The following PHACTR1 variants were observed in gnomAD, a reference collection of about 807,000 sequenced individuals.
The protein encoded by PHACTR1 is RPEL repeat containing 1.
PHACTR1 carries 16 observed loss-of-function variants against 69.2 expected under a neutral mutation model. The observed-to-expected ratio is 0.23, with a 90% CI of 0.16 to 0.35. PHACTR1 has a LOEUF of 0.35. PHACTR1 is among the 10% of genes least tolerant of loss of function. The probability of loss-of-function intolerance (pLI) is 1.00; values close to 1 mark genes in which losing one functional copy is unlikely to be tolerated. For missense variants in PHACTR1, 510 were observed against 734.7 expected, an observed-to-expected ratio of 0.69 and a Z score of 3.54; for synonymous variants, 312 against 284.5, an observed-to-expected ratio of 1.10 and a Z score of -0.97.
chr6:13,114,766 C>A (rs780526883), intron 5 of PHACTR1, among the ~76,000 whole-genome samples: 28 of 152,132 alleles, frequency 1.8e-4, no homozygotes, highest in Non-Finnish European at 3.5e-4. Context: ...ATGGGAGAGA[C>A]CTGCTCCCCA....
chr6:13,237,284 G>C (rs1772137443), intron 10 of PHACTR1, among the ~76,000 whole-genome samples: 1 of 152,140 alleles, frequency 6.6e-6, no homozygotes, highest in African/African-American at 2.4e-5. Flanking sequence ...GGCTAAGGTA[G>C]GAGGATCCCT....
chr6:12,777,658 G>C (rs1206459541), intron 4 of PHACTR1, among the ~76,000 whole-genome samples: 1 of 114,470 alleles, frequency 8.7e-6, no homozygotes, highest in African/African-American at 3.2e-5. Flanking sequence ...TTGAGACAGA[G>C]TCTTGCTCTG....
Position 13,182,564 on chromosome 6 carries a change from G to A in PHACTR1, c.542G>A (p.Gly181Glu), listed in dbSNP as rs771578859. The change falls in exon 7 of 15, where the codon GGG becomes GAG. Residue 181 changes from glycine (G) to glutamate (E), a missense_variant. By Grantham distance (98) the Gly-to-Glu change is moderately conservative. Coordinates refer to ENST00000332995, the MANE Select transcript of PHACTR1 (RefSeq NM_030948.6). ...AATGAAGAGGACTCCCTAGAAAATG[G>A]GCAGTCCCTGAGCTCCAGCCAGCTG... Reference protein sequence around the residue: ...ISNEEDSLENGQSLSSSQLSL... With the variant: ...ISNEEDSLENEQSLSSSQLSL... 4 of 1,613,810 alleles carry A rather than the reference G, an allele frequency of 2.5e-6. No individual in the cohort carries two copies. Among genetic ancestry groups the A allele is most frequent in the South Asian group, 2.2e-5 (2 of 91,050 alleles).
At chr6:12,799,305 T>C (rs1773442254) in intron 4 of PHACTR1, among the ~76,000 whole-genome samples, 1 of 152,110 alleles carries the variant, frequency 6.6e-6, no homozygotes, top group African/African-American at 2.4e-5. Flanking sequence ...CAATAGGTGG[T>C]CAGGAACCAG....
chr6:13,164,291 CAA>C (rs1759465180), intron 6 of PHACTR1, among the ~76,000 whole-genome samples: 2 of 152,294 alleles, frequency 1.3e-5, no homozygotes, highest in South Asian at 2.1e-4. Context: ...CGGCAAATGG[CAA>C]AGAGACTTTC....
intron 4 of PHACTR1, among the ~76,000 whole-genome samples, chr6:12,902,325 A>C (rs899598738): frequency 6.6e-6 from 1 of 152,218 alleles, no homozygotes; most frequent in African/African-American, 2.4e-5. Flanking sequence ...CAAGAGGCTG[A>C]GACAGGAGAG....
At chr6:13,058,150 G>A (rs1807086701) in intron 5 of PHACTR1, among the ~76,000 whole-genome samples, 1 of 152,194 alleles carries the variant, frequency 6.6e-6, no homozygotes, top group Non-Finnish European at 1.5e-5. Context: ...CCCCAGGAAT[G>A]AAGACAGATG....
chr6:12,887,814 A>T (rs1237582150), intron 4 of PHACTR1, among the ~76,000 whole-genome samples: 1 of 152,028 alleles, frequency 6.6e-6, no homozygotes, highest in Non-Finnish European at 1.5e-5. Context: ...CACACCTGTA[A>T]TCCCAGCACT....
At chr6:12,803,709 G>A (rs530528937) in intron 4 of PHACTR1, among the ~76,000 whole-genome samples, 1 of 152,254 alleles carries the variant, frequency 6.6e-6, no homozygotes, top group East Asian at 1.9e-4. Context: ...TGACATTTTG[G>A]GCGGGATAAT....
intron 10 of PHACTR1, among the ~76,000 whole-genome samples, chr6:13,261,971 T>A (rs1381691740): frequency 6.6e-6 from 1 of 152,204 alleles, no homozygotes; most frequent in Non-Finnish European, 1.5e-5. Flanking sequence ...TCATGAAGAA[T>A]CTTTCAGAAC....
intron 4 of PHACTR1, among the ~76,000 whole-genome samples, chr6:12,864,462 C>T (rs1781251490): frequency 6.6e-6 from 1 of 152,154 alleles, no homozygotes; most frequent in East Asian, 1.9e-4. Flanking sequence ...GGGCGGATCA[C>T]GAGGTCAGAA....
intron 4 of PHACTR1, among the ~76,000 whole-genome samples, chr6:12,959,436 A>C (rs1792398748): frequency 6.6e-6 from 1 of 152,172 alleles, no homozygotes; most frequent in Non-Finnish European, 1.5e-5. Context: ...AAAACTAAAC[A>C]ACAAAGCTAA....
intron 7 of PHACTR1, among the ~76,000 whole-genome samples, chr6:13,191,730 GGAGGGACAGTCTCCCCA>G (rs578058728): frequency 9.3e-4 from 142 of 152,262 alleles, no homozygotes; most frequent in African/African-American, 3.2e-3. Flanking sequence ...GTCAGCCCCA[GGAGGGACAGTCTCCCCA>G]GCCAGAAAGG....
intron 10 of PHACTR1, among the ~76,000 whole-genome samples, chr6:13,261,576 G>A (rs1323482730): frequency 2.0e-5 from 3 of 152,190 alleles, no homozygotes; most frequent in Non-Finnish European, 4.4e-5. Context: ...GGTGTTCTGT[G>A]CACCTGCTCA....
intron 4 of PHACTR1, among the ~76,000 whole-genome samples, chr6:13,020,464 G>C (rs1171601621): frequency 6.6e-6 from 1 of 152,212 alleles, no homozygotes; most frequent in African/African-American, 2.4e-5. Flanking sequence ...GTGACAGGCA[G>C]ACTCAGGATG....
rs9296465 is a variant in PHACTR1, at chr6:12,784,232, A to T, written c.250+34442A>T. Among the ~76,000 whole-genome samples the T allele has an allele frequency of 3.0e-3, 449 of 151,614 alleles. 3 individuals carry two copies. Among genetic ancestry groups the T allele is most frequent in the Non-Finnish European group, 3.9e-3 (264 of 67,838 alleles). ...CACACATATACATGATGATATATACATATACTCATACATATATATCTTTAC... is the reference window on the plus strand; with the variant it reads ...CACACATATACATGATGATATATACTTATACTCATACATATATATCTTTAC... On this transcript the variant is annotated intron_variant, in intron 4 of 14. Coordinates refer to ENST00000332995, the MANE Select transcript of PHACTR1 (RefSeq NM_030948.6).
At chr6:13,170,662 T>C (rs1760465773) in intron 6 of PHACTR1, among the ~76,000 whole-genome samples, 6 of 152,236 alleles carry the variant, frequency 3.9e-5, no homozygotes, top group Admixed American at 3.3e-4. Flanking sequence ...CAATTCATAA[T>C]GTCTAAAAGA....
At chr6:13,228,127 A>T (rs1770124011) in intron 9 of PHACTR1, 64 bp downstream of exon 9, 1 of 1,538,120 alleles carries the variant, frequency 6.5e-7, no homozygotes, top group African/African-American at 1.4e-5. Flanking sequence ...GACAGCAGAG[A>T]GTGGACCCAG....
intron 12 of PHACTR1, among the ~76,000 whole-genome samples, chr6:13,281,898 G>A (rs1429389676): frequency 6.6e-6 from 1 of 152,248 alleles, no homozygotes; most frequent in Non-Finnish European, 1.5e-5. Context: ...ATGCAGTCTA[G>A]GCAGGGGGGC....
Sources: allele counts gnomAD v4.1 joint callset (sites outside exome capture counted in the v4.1 genomes callset), GRCh38; gene constraint gnomAD v4.1.1; transcripts MANE v1.5; gene names NCBI Gene and HGNC (gene_info 2026-07-23, HGNC 2026-07-21).